The following DENND1A variants were observed in gnomAD, a reference collection of about 807,000 sequenced individuals.
The protein encoded by DENND1A is DENN domain containing 1A.
DENND1A carries 51 observed loss-of-function variants against 113.7 expected under a neutral mutation model. That is an observed-to-expected ratio of 0.45 (90% CI 0.36 to 0.57). DENND1A has a LOEUF of 0.57. Ranked by LOEUF, DENND1A falls within the 20% of genes least tolerant of loss-of-function variation. DENND1A has a pLI of 0.00. For synonymous variants in DENND1A, 565 were observed against 570.8 expected (o/e 0.99, Z 0.14); for missense variants, 1,258 against 1,395.9 (o/e 0.90, Z 1.57).
At chr9:123,920,159 G>A (rs1002508468) in intron 1 of DENND1A, among the ~76,000 whole-genome samples, 2 of 152,196 alleles carry the variant, frequency 1.3e-5, no homozygotes, top group African/African-American at 2.4e-5. Context: ...GGCCGGGCAT[G>A]GTGGCTCAAG....
chr9:123,894,699 T>C (rs1391795683), intron 1 of DENND1A, among the ~76,000 whole-genome samples: 1 of 152,262 alleles, frequency 6.6e-6, no homozygotes, highest in Non-Finnish European at 1.5e-5. Context: ...TAATTGGACA[T>C]CATATTCCTC....
intron 8 of DENND1A, among the ~76,000 whole-genome samples, chr9:123,658,109 T>C (rs1377051010): frequency 1.3e-5 from 2 of 152,346 alleles, no homozygotes; most frequent in African/African-American, 2.4e-5. Flanking sequence ...TTCTATATCA[T>C]GGCGCATCTT....
chr9:123,440,619 G>C, intron 18 of DENND1A, 128 bp from the exon 19 acceptor site: 1 of 1,264,300 alleles, frequency 7.9e-7, no homozygotes. Context: ...TCTTGATGAA[G>C]ATGGAGGGAA....
At chr9:123,680,520 G>A (rs536495591) in intron 5 of DENND1A, among the ~76,000 whole-genome samples, 7 of 152,336 alleles carry the variant, frequency 4.6e-5, no homozygotes, top group Non-Finnish European at 7.4e-5. Flanking sequence ...TAAACACAAA[G>A]TAGTTAACCT....
In DENND1A at chr9:123,602,866, C is replaced by T. The variant is rs533795288; in HGVS notation, c.765+6570G>A. The stretch of plus-strand genomic sequence containing the variant: ...GTTGTTGTTGTTGTTTTTAATTTTA[C>T]GTAGAGATGAGGTCTCACTGTGTTG... On this transcript the variant is annotated intron_variant, in intron 11 of 23. Coordinates refer to ENST00000394215, the MANE Select transcript of DENND1A (RefSeq NM_001352964.2). 9.9e-5 allele frequency among the ~76,000 whole-genome samples: 15 copies of T among 152,172 alleles called. No individual in the cohort carries two copies. The East Asian group carries it at 1.2e-3, about 12-fold the overall frequency.
At chr9:123,913,779 C>G (rs1854521789) in intron 1 of DENND1A, among the ~76,000 whole-genome samples, 1 of 151,622 alleles carries the variant, frequency 6.6e-6, no homozygotes, top group Non-Finnish European at 1.5e-5. Flanking sequence ...GTGGTGCATG[C>G]CTGTAATCCC....
chr9:123,834,485 G>A (rs1391962611), intron 2 of DENND1A, among the ~76,000 whole-genome samples: 8 of 152,282 alleles, frequency 5.3e-5, no homozygotes, highest in Non-Finnish European at 1.0e-4. Flanking sequence ...TTGGTTTGGT[G>A]TGAAATACCT....
intron 13 of DENND1A, among the ~76,000 whole-genome samples, chr9:123,540,619 G>T (rs1402568771): frequency 2.0e-5 from 3 of 152,188 alleles, no homozygotes. Flanking sequence ...GGACAGACTG[G>T]TCTCCTCAGC....
chr9:123,800,845 G>GA (rs775817918), intron 2 of DENND1A, among the ~76,000 whole-genome samples: 2 of 152,008 alleles, frequency 1.3e-5, no homozygotes, highest in East Asian at 1.9e-4. Context: ...TCTCATCTAT[G>GA]AAAAAAAATT....
At chr9:123,696,834 G>A (rs75345483) in intron 5 of DENND1A, among the ~76,000 whole-genome samples, 11,890 of 152,198 alleles carry the variant, frequency 0.078, 507 homozygotes, top group Admixed American at 0.11. Context: ...TTACTATAGT[G>A]ATCTGATCAT....
chr9:123,642,391 C>T (rs1398805867), intron 9 of DENND1A, among the ~76,000 whole-genome samples: 1 of 152,338 alleles, frequency 6.6e-6, no homozygotes, highest in South Asian at 2.1e-4. Flanking sequence ...GGCTGTGCTG[C>T]TTGGAAGTTT....
chr9:123,587,423 T>A (rs1486677664), intron 11 of DENND1A, among the ~76,000 whole-genome samples: 1 of 152,042 alleles, frequency 6.6e-6, no homozygotes, highest in African/African-American at 2.4e-5. Flanking sequence ...TTACAAACAA[T>A]CCATGGAAAC....
intron 19 of DENND1A, among the ~76,000 whole-genome samples, chr9:123,430,863 G>T (rs1329673467): frequency 1.3e-5 from 2 of 152,172 alleles, no homozygotes; most frequent in Non-Finnish European, 2.9e-5. Context: ...TTAGCCAGGT[G>T]CGGTGGTGTG....
rs60761810 is a variant in DENND1A at position 123,728,479 on chromosome 9, C to CAAAAAAAAAAAAAA, written c.302+29210_302+29223dup. 8.2e-3 allele frequency among the ~76,000 whole-genome samples: 206 copies of CAAAAAAAAAAAAAA among 25,194 alleles called. 41 individuals are homozygous for CAAAAAAAAAAAAAA. Among genetic ancestry groups the CAAAAAAAAAAAAAA allele is most frequent in the Non-Finnish European group, 0.01 (144 of 14,184 alleles). The allele number at this position is 25,194 out of a possible 152,430, so 16.5% of individuals were successfully genotyped here. A position where few individuals can be genotyped will look rare whatever the true frequency, so the allele number is the denominator to read the frequency against. On this transcript the variant is annotated intron_variant, in intron 5 of 23. Transcript: ENST00000394215. ...GCAACAATTGCAAAACTCTGTCTCC[C>CAAAAAAAAAAAAAA]AAAAAAAAAAAAAAAAAAAAAAAAA...
intron 19 of DENND1A, among the ~76,000 whole-genome samples, chr9:123,437,083 G>A (rs1410235915): frequency 2.6e-5 from 4 of 152,134 alleles, no homozygotes; most frequent in Admixed American, 6.5e-5. Context: ...CCTCTGGGGG[G>A]CCCTGGGAGT....
At chr9:123,504,574 A>G (rs2052756142) in intron 13 of DENND1A, among the ~76,000 whole-genome samples, 1 of 152,226 alleles carries the variant, frequency 6.6e-6, no homozygotes, top group Non-Finnish European at 1.5e-5. Flanking sequence ...CTGACTACAA[A>G]TTCTTAGTGG....
chr9:123,822,325 T>C (rs1048674302), intron 2 of DENND1A, among the ~76,000 whole-genome samples: 1 of 152,202 alleles, frequency 6.6e-6, no homozygotes, highest in African/African-American at 2.4e-5. Context: ...GTCCCAACAC[T>C]AAATATTAAC....
chr9:123,848,228 T>TAAAAAAAAAAAAAAAAAAAAAAAAA (rs375535777), intron 2 of DENND1A, among the ~76,000 whole-genome samples: 1 of 60,498 alleles, frequency 1.7e-5, no homozygotes, highest in Non-Finnish European at 2.9e-5. Context: ...GATACTGCTT[T>TAAAAAAAAAAAAAAAAAAAAAAAAA]AAAAAAAAAA....
chr9:123,666,965 C>T (rs2063522000), intron 8 of DENND1A, 61 bp downstream of exon 8: 1 of 1,430,844 alleles, frequency 7.0e-7, no homozygotes, highest in Non-Finnish European at 9.4e-7. Flanking sequence ...TTTATTCAAA[C>T]AAATAGGCAG....
Sources: allele counts gnomAD v4.1 joint callset (sites outside exome capture counted in the v4.1 genomes callset), GRCh38; gene constraint gnomAD v4.1.1; transcripts MANE v1.5; gene names NCBI Gene and HGNC (gene_info 2026-07-23, HGNC 2026-07-21).